The following RBFOX1 variants were observed in gnomAD, a reference collection of about 807,000 sequenced individuals.
The protein encoded by RBFOX1 is RNA binding fox-1 homolog 1.
A neutral mutation model predicts 57.7 loss-of-function variants in RBFOX1; 8 were observed. That is an observed-to-expected ratio of 0.14 (90% CI 0.08 to 0.25). The LOEUF is 0.25. RBFOX1 is among the 10% of genes least tolerant of loss of function. The pLI is 1.00. For synonymous variants in RBFOX1, 326 were observed against 222.4 expected, an observed-to-expected ratio of 1.47 and a Z score of -4.15; for missense variants, 611 against 548.5, an observed-to-expected ratio of 1.11 and a Z score of -1.14.
At chr16:5,692,162 TGAC>T (rs2050702149) in intron 3 of RBFOX1, among the ~76,000 whole-genome samples, 2 of 118,624 alleles carry the variant, frequency 1.7e-5, no homozygotes, top group Non-Finnish European at 3.6e-5. Context: ...TAATAGGGAC[TGAC>T]TGTGTGTGTG....
chr16:5,261,670 C>G (rs1333868474), intron 1 of RBFOX1, among the ~76,000 whole-genome samples: 23 of 151,894 alleles, frequency 1.5e-4, no homozygotes, highest in South Asian at 4.1e-4. Flanking sequence ...CTGCCTCAGC[C>G]TCCTGAGTAG....
intron 2 of RBFOX1, among the ~76,000 whole-genome samples, chr16:6,449,835 C>G (rs1213691169): frequency 2.0e-5 from 3 of 152,160 alleles, no homozygotes; most frequent in African/African-American, 7.2e-5. Flanking sequence ...GCCCCACTGC[C>G]CCCTGAATCT....
At chr16:5,738,546 A>G in intron 3 of RBFOX1, among the ~76,000 whole-genome samples, 1 of 150,638 alleles carries the variant, frequency 6.6e-6, no homozygotes, top group Non-Finnish European at 1.5e-5. Flanking sequence ...AGACAGGAGA[A>G]TCGCTTGAAT....
chr16:6,203,981 T>A (rs1567672531), intron 1 of RBFOX1, among the ~76,000 whole-genome samples: 1 of 60,610 alleles, frequency 1.6e-5, no homozygotes, highest in African/African-American at 6.0e-5. Flanking sequence ...GTTTTGTTTC[T>A]TTTTTTTTTT....
chr16:6,133,408 G>A (rs79815463), intron 1 of RBFOX1, among the ~76,000 whole-genome samples: 4,684 of 152,248 alleles, frequency 0.031, 258 homozygotes, highest in African/African-American at 0.11. Flanking sequence ...GGTTCTGAAT[G>A]AATAAATAAA....
intron 7 of RBFOX1, among the ~76,000 whole-genome samples, chr16:7,591,520 A>G (rs1250860110): frequency 1.3e-5 from 2 of 152,250 alleles, no homozygotes; most frequent in Non-Finnish European, 2.9e-5. Context: ...ATTTGCGAAA[A>G]TATTTTAAAG....
chr16:7,657,821 C>G (rs965895468), intron 12 of RBFOX1, among the ~76,000 whole-genome samples: 1 of 152,082 alleles, frequency 6.6e-6, no homozygotes, highest in African/African-American at 2.4e-5. Context: ...GTGGAAAACC[C>G]TGTACCAAAC....
intron 4 of RBFOX1, among the ~76,000 whole-genome samples, chr16:7,454,947 G>A (rs550811673): frequency 1.3e-5 from 2 of 152,218 alleles, no homozygotes; most frequent in South Asian, 4.2e-4. Flanking sequence ...CCTTTTCCCA[G>A]CCCTGGGCCA....
intron 1 of RBFOX1, among the ~76,000 whole-genome samples, chr16:6,187,827 C>A (rs897428341): frequency 3.9e-5 from 6 of 152,182 alleles, no homozygotes; most frequent in African/African-American, 9.7e-5. Context: ...GTCAGCTTTC[C>A]TCTCTGGCTC....
chr16:5,641,637 G>T (rs926451817), intron 3 of RBFOX1, among the ~76,000 whole-genome samples: 1 of 152,230 alleles, frequency 6.6e-6, no homozygotes, highest in African/African-American at 2.4e-5. Context: ...ACCTGGCACT[G>T]CAGTGGCCTG....
At chr16:5,599,311 G>A in exon 3 of RBFOX1, 1 of 622,090 alleles carries the variant, frequency 1.6e-6, no homozygotes, top group Non-Finnish European at 2.9e-6. Context: ...GGGAGCACGT[G>A]AAAGAAGTCG....
intron 3 of RBFOX1, among the ~76,000 whole-genome samples, chr16:6,804,073 C>T (rs2086132005): frequency 6.6e-6 from 1 of 151,896 alleles, no homozygotes; most frequent in South Asian, 2.1e-4. Context: ...ATGACATGAT[C>T]TCAGCTCGCT....
chr16:7,444,679 A>C (rs1369219835), intron 4 of RBFOX1, among the ~76,000 whole-genome samples: 2 of 151,986 alleles, frequency 1.3e-5, no homozygotes, highest in Non-Finnish European at 2.9e-5. Context: ...CCATAGGTGC[A>C]CACCACCACA....
chr16:5,588,453 A>G (rs985324153), intron 2 of RBFOX1, among the ~76,000 whole-genome samples: 2 of 152,320 alleles, frequency 1.3e-5, no homozygotes, highest in East Asian at 1.9e-4. Context: ...CATGTATTGA[A>G]GCACATAGTA....
At chr16:5,642,848 C>T (rs76441362) in intron 3 of RBFOX1, among the ~76,000 whole-genome samples, 4,697 of 152,222 alleles carry the variant, frequency 0.031, 201 homozygotes, top group South Asian at 0.096. Flanking sequence ...AAGGTGCTGC[C>T]TGATGACTCT....
At chr16:7,032,487 AT>A (rs1568455628) in intron 3 of RBFOX1, among the ~76,000 whole-genome samples, 1 of 152,022 alleles carries the variant, frequency 6.6e-6, no homozygotes. Flanking sequence ...TCCCATCTTA[AT>A]TTTTTAAAGG....
chr16:6,387,526 G>A (rs1169378832), intron 2 of RBFOX1, among the ~76,000 whole-genome samples: 1 of 151,034 alleles, frequency 6.6e-6, no homozygotes, highest in African/African-American at 2.4e-5. Flanking sequence ...GAAGCCATTA[G>A]CGTCAACTTA....
intron 3 of RBFOX1, among the ~76,000 whole-genome samples, chr16:6,762,475 G>A (rs1603616638): frequency 6.6e-6 from 1 of 152,118 alleles, no homozygotes; most frequent in African/African-American, 2.4e-5. Context: ...AAGAAAAGGT[G>A]TGAATTTTTG....
intron 4 of RBFOX1, among the ~76,000 whole-genome samples, chr16:5,976,212 C>T (rs150854303): frequency 9.9e-5 from 15 of 151,890 alleles, no homozygotes; most frequent in African/African-American, 3.1e-4. Context: ...CGCCACTTAC[C>T]CAGTTCGGTA....
Sources: allele counts gnomAD v4.1 joint callset (sites outside exome capture counted in the v4.1 genomes callset), GRCh38; gene constraint gnomAD v4.1.1; transcripts MANE v1.5; gene names NCBI Gene and HGNC (gene_info 2026-07-23, HGNC 2026-07-21).